Variants in CLYBL observed in about 807,000 individuals in gnomAD.
CLYBL encodes the protein citramalyl-CoA lyase, mitochondrial.
A neutral mutation model predicts 38.9 loss-of-function variants in CLYBL; 31 were observed. The ratio of observed to expected loss-of-function variants is 0.80; its 90% CI spans 0.60 to 1.08. The LOEUF (loss-of-function observed/expected upper bound fraction) is 1.08. CLYBL is among the 50% of genes least tolerant of loss of function. CLYBL has a pLI of 0.00. For missense variants in CLYBL, 434 were observed against 411.6 expected, an observed-to-expected ratio of 1.05 and a Z score of -0.47; for synonymous variants, 171 against 158.6, an observed-to-expected ratio of 1.08 and a Z score of -0.59.
intron 1 of CLYBL, among the ~76,000 whole-genome samples, chr13:99,724,833 GA>G (rs1450754216): frequency 1.3e-5 from 2 of 152,016 alleles, no homozygotes; most frequent in African/African-American, 4.8e-5. Context: ...GGTCATAAAA[GA>G]AAAAAATGGA....
At chr13:99,678,851 T>A (rs1234496623) in intron 1 of CLYBL, among the ~76,000 whole-genome samples, 1 of 151,978 alleles carries the variant, frequency 6.6e-6, no homozygotes, top group Non-Finnish European at 1.5e-5. Flanking sequence ...AAAAAAAAAA[T>A]TCCAGAAAGT....
intron 1 of CLYBL, among the ~76,000 whole-genome samples, chr13:99,712,487 A>G (rs1236616901): frequency 6.6e-6 from 1 of 151,640 alleles, no homozygotes; most frequent in Non-Finnish European, 1.5e-5. Context: ...GGTGCGTGCC[A>G]CCATACCCAG....
chr13:99,690,306 T>C (rs2047881231), intron 1 of CLYBL: 1 of 152,224 alleles, frequency 6.6e-6, no homozygotes, highest in Non-Finnish European at 1.5e-5. Context: ...TTTTATTTAC[T>C]AGAAATGTTT....
chr13:99,621,021 A>C (rs1255003754), intron 1 of CLYBL, among the ~76,000 whole-genome samples: 1 of 152,152 alleles, frequency 6.6e-6, no homozygotes, highest in East Asian at 1.9e-4. Flanking sequence ...TTGAATCATC[A>C]GTGTCTACTT....
chr13:99,833,940 T>A (rs2050878416), intron 2 of CLYBL, among the ~76,000 whole-genome samples: 1 of 152,098 alleles, frequency 6.6e-6, no homozygotes, highest in Non-Finnish European at 1.5e-5. Context: ...GATATCGTGA[T>A]CTGCCCACCT....
intron 1 of CLYBL, among the ~76,000 whole-genome samples, chr13:99,757,130 G>A (rs898121039): frequency 6.6e-6 from 1 of 152,106 alleles, no homozygotes; most frequent in African/African-American, 2.4e-5. Flanking sequence ...GAACTCCTGG[G>A]CTCAAGTGAT....
At chr13:99,888,299 A>G (rs2052402435) in intron 7 of CLYBL, among the ~76,000 whole-genome samples, 1 of 152,244 alleles carries the variant, frequency 6.6e-6, no homozygotes, top group Non-Finnish European at 1.5e-5. Context: ...CTAAAAAGAA[A>G]AAGTTTTACT....
At chr13:99,814,842 G>A (rs2050412246) in intron 2 of CLYBL, among the ~76,000 whole-genome samples, 2 of 152,058 alleles carry the variant, frequency 1.3e-5, no homozygotes, top group Non-Finnish European at 2.9e-5. Context: ...ACTGGCCTGG[G>A]CAACATAGTG....
At position 99,771,217 on chromosome 13, in the gene CLYBL, G is replaced by GT. The variant is rs2049388266; in HGVS notation, c.63-1600dup. Among the ~76,000 whole-genome samples, 6 of 151,810 alleles carry GT rather than the reference G, an allele frequency of 4.0e-5. No individual in the cohort carries two copies. The South Asian group carries it at 1.0e-3, about 26-fold the overall frequency. On this transcript the variant is annotated intron_variant, in intron 1 of 8. Transcript: ENST00000339105. ...TGCCTGGCTAATTTTTGCTTTTTGAGTTTTTTTCCTGATAGAGCCGAGATT... is the reference window on the plus strand; with the variant it reads ...TGCCTGGCTAATTTTTGCTTTTTGAGTTTTTTTTCCTGATAGAGCCGAGATT...
chr13:99,781,212 G>A (rs907484898), intron 2 of CLYBL, among the ~76,000 whole-genome samples: 5 of 148,298 alleles, frequency 3.4e-5, no homozygotes, highest in African/African-American at 1.0e-4. Context: ...GCTGTGTCAC[G>A]CAGGCTGGAG....
At chr13:99,803,983 G>A (rs1217649611) in intron 2 of CLYBL, among the ~76,000 whole-genome samples, 2 of 152,134 alleles carry the variant, frequency 1.3e-5, no homozygotes, top group Admixed American at 6.5e-5. Context: ...AAGAAACAGC[G>A]GAAGATGCTG....
chr13:99,740,325 C>T (rs1166689563), intron 1 of CLYBL, among the ~76,000 whole-genome samples: 2 of 152,154 alleles, frequency 1.3e-5, no homozygotes, highest in Non-Finnish European at 1.5e-5. Flanking sequence ...CTAAGAGGCT[C>T]GAAAGTCTCA....
At chr13:99,646,692 T>G (rs1317306810) in intron 1 of CLYBL, among the ~76,000 whole-genome samples, 9 of 149,622 alleles carry the variant, frequency 6.0e-5, no homozygotes, top group Non-Finnish European at 1.0e-4. Flanking sequence ...TTTTTTTTTT[T>G]TTTTTGTATT....
chr13:99,734,436 C>T (rs867727381), intron 1 of CLYBL, among the ~76,000 whole-genome samples: 11 of 151,816 alleles, frequency 7.2e-5, no homozygotes, highest in Middle Eastern at 3.4e-3. Flanking sequence ...GAGAATGTAA[C>T]GTTGGCCATT....
At chr13:99,907,097 A>C (rs935514671) in intron 9 of CLYBL, among the ~76,000 whole-genome samples, 3 of 152,174 alleles carry the variant, frequency 2.0e-5, no homozygotes, top group African/African-American at 7.2e-5. Context: ...ACAGCCACTA[A>C]AACTGGTGCT....
chr13:99,761,483 C>A (rs979736378), intron 1 of CLYBL, among the ~76,000 whole-genome samples: 2 of 152,190 alleles, frequency 1.3e-5, no homozygotes, highest in African/African-American at 4.8e-5. Flanking sequence ...CCAGTACAAT[C>A]CATGTTGCTG....
Position 99,613,050 on chromosome 13 carries a change from A to G in CLYBL, c.62+6293A>G, listed in dbSNP as rs574905989. Among the ~76,000 whole-genome samples the G allele has an allele frequency of 1.4e-3, 195 of 135,412 alleles. 5 individuals are homozygous for G. Among genetic ancestry groups the G allele is most frequent in the African/African-American group, 5.7e-3 (190 of 33,350 alleles). 88.8% of individuals were successfully genotyped at this position (135,412 alleles called of 152,430 possible). A position where few individuals can be genotyped will look rare whatever the true frequency, so the allele number is the denominator to read the frequency against. ...GATAATAATAATAATAATAATAATA[A>G]TAATAATAATAATAACAAAATTCCC... On this transcript the variant is annotated intron_variant, in intron 1 of 8. Transcript: ENST00000339105.
At chr13:99,882,618 C>T (rs569023959) in intron 7 of CLYBL, among the ~76,000 whole-genome samples, 3 of 151,784 alleles carry the variant, frequency 2.0e-5, no homozygotes, top group East Asian at 1.9e-4. Context: ...GAGCTGTGAT[C>T]GTGCCATTGC....
intron 1 of CLYBL, among the ~76,000 whole-genome samples, chr13:99,683,901 C>T (rs2047777501): frequency 6.7e-6 from 1 of 149,656 alleles, no homozygotes. Flanking sequence ...CAGAGTCTCA[C>T]TCTGTCACCC....
Sources: gnomAD v4.1 joint callset for allele counts (sites outside exome capture counted in the v4.1 genomes callset) on GRCh38, gnomAD v4.1.1 for gene constraint, MANE v1.5 for transcripts, NCBI Gene and HGNC (gene_info 2026-07-23, HGNC 2026-07-21) for gene names.